Variants in ATF2 observed in about 807,000 individuals in gnomAD.
ATF2 encodes the protein activating transcription factor 2.
ATF2 carries 24 observed loss-of-function variants against 60.6 expected under a neutral mutation model. The observed-to-expected ratio is 0.40, with a 90% CI of 0.29 to 0.56. The LOEUF is 0.56. Ranked by LOEUF, ATF2 falls within the 20% of genes least tolerant of loss-of-function variation. The pLI, the probability that ATF2 is intolerant of heterozygous loss-of-function variation, is 0.54. For missense variants in ATF2, 433 were observed against 607.7 expected (o/e 0.71, Z 3.02); for synonymous variants, 206 against 215.4 (o/e 0.96, Z 0.38).
intron 5 of ATF2, among the ~76,000 whole-genome samples, chr2:175,119,777 G>A (rs1696827068): frequency 1.3e-5 from 2 of 151,476 alleles, no homozygotes; most frequent in African/African-American, 4.8e-5. Context: ...CACACCCAAA[G>A]GGTTTGTCTA....
chr2:175,157,897 G>T (rs891957813), intron 1 of ATF2, among the ~76,000 whole-genome samples: 1 of 151,962 alleles, frequency 6.6e-6, no homozygotes, highest in Non-Finnish European at 1.5e-5. Flanking sequence ...GAAGGCTAAC[G>T]CAGAGAACTG....
At chr2:175,139,837 C>A (rs1454267940) in intron 2 of ATF2, among the ~76,000 whole-genome samples, 1 of 152,112 alleles carries the variant, frequency 6.6e-6, no homozygotes, top group Non-Finnish European at 1.5e-5. Context: ...TCCCACTTCT[C>A]AGCAAATTGT....
intron 10 of ATF2, among the ~76,000 whole-genome samples, chr2:175,102,249 T>C (rs1175704597): frequency 6.6e-6 from 1 of 152,152 alleles, no homozygotes; most frequent in Non-Finnish European, 1.5e-5. Flanking sequence ...AACCAGAAAC[T>C]CTATTTGTTG....
At chr2:175,085,759 T>G (rs1409202124) in intron 12 of ATF2, among the ~76,000 whole-genome samples, 1 of 152,040 alleles carries the variant, frequency 6.6e-6, no homozygotes, top group East Asian at 1.9e-4. Flanking sequence ...CTAGGAAAGG[T>G]TAATGAACAT....
intron 12 of ATF2, among the ~76,000 whole-genome samples, chr2:175,086,747 C>T (rs1694197235): frequency 6.6e-6 from 1 of 152,014 alleles, no homozygotes; most frequent in African/African-American, 2.4e-5. Flanking sequence ...CAAACTACTC[C>T]AAGCATTCAA....
At chr2:175,152,718 A>G (rs1699395281) in intron 1 of ATF2, among the ~76,000 whole-genome samples, 1 of 152,220 alleles carries the variant, frequency 6.6e-6, no homozygotes, top group Non-Finnish European at 1.5e-5. Context: ...ATCAGAAACT[A>G]AAAACTCATT....
intron 2 of ATF2, among the ~76,000 whole-genome samples, chr2:175,145,709 T>C (rs1006686992): frequency 2.6e-5 from 4 of 152,150 alleles, no homozygotes; most frequent in Admixed American, 6.5e-5. Flanking sequence ...GTAGTGGAAA[T>C]AAAGAAGTCC....
intron 13 of ATF2, chr2:175,075,130 A>G (rs1234894049): frequency 1.2e-5 from 14 of 1,134,508 alleles, no homozygotes; most frequent in Non-Finnish European, 1.4e-5. Flanking sequence ...AGTTTGGAAG[A>G]TAGTCTCTTA....
chr2:175,146,732 G>A (rs1206908919), intron 2 of ATF2, among the ~76,000 whole-genome samples: 1 of 152,114 alleles, frequency 6.6e-6, no homozygotes, highest in Non-Finnish European at 1.5e-5. Flanking sequence ...CATCCCACCT[G>A]AGATGTGAAT....
intron 1 of ATF2, among the ~76,000 whole-genome samples, chr2:175,155,480 G>A (rs1360521694): frequency 2.0e-5 from 3 of 152,158 alleles, no homozygotes; most frequent in Non-Finnish European, 4.4e-5. Context: ...ATTGTATAGT[G>A]TGATGACAGA....
rs1003031183 is a variant in ATF2 at position 175,088,860 on chromosome 2, A to C, written c.1185+4201T>G. On this transcript the variant is annotated intron_variant, in intron 12 of 13. Transcript: ENST00000264110. ...AAACCATTTCAAGTAAAAGATAACA[A>C]AATTAACAAAATAGATATTACTTTA... is the stretch of plus-strand genomic sequence containing the variant. Among the ~76,000 whole-genome samples the C allele has an allele frequency of 7.9e-5, 12 of 152,166 alleles. 1 individual carries two copies. Among genetic ancestry groups the C allele is most frequent in the Admixed American group, 3.3e-4 (5 of 15,268 alleles).
intron 1 of ATF2, among the ~76,000 whole-genome samples, chr2:175,154,235 AT>A (rs1240676305): frequency 1.8e-4 from 20 of 110,840 alleles, no homozygotes; most frequent in African/African-American, 6.0e-4. Flanking sequence ...GAAAAAAAAA[AT>A]ATATATATAT....
intron 10 of ATF2, among the ~76,000 whole-genome samples, chr2:175,110,057 C>T (rs1696061709): frequency 6.6e-6 from 1 of 152,132 alleles, no homozygotes; most frequent in Non-Finnish European, 1.5e-5. Context: ...ATTTTTCAGG[C>T]CGGGTGTGGT....
In ATF2 at chr2:175,141,641, C is replaced by A. The variant is rs199818302; in HGVS notation, c.-43-5155G>T. Among the ~76,000 whole-genome samples, 31 of 151,900 alleles carry A rather than the reference C, an allele frequency of 2.0e-4. No individual in the cohort carries two copies. In the East Asian group the frequency reaches 5.6e-3, roughly 28 times the overall value. On this transcript the variant is annotated intron_variant, in intron 2 of 13. Transcript: ENST00000264110. ...CTAAGTAGCTGGGACTACAGGAGCC[C>A]GCCACCATGCCCGGCTAATTTTTTT...
chr2:175,130,048 A>G, intron 4 of ATF2, 90 bp downstream of exon 4: 1 of 1,027,470 alleles, frequency 9.7e-7, no homozygotes, highest in Non-Finnish European at 1.4e-6. Context: ...AGAATACTGT[A>G]AGAAAATACT....
At position 175,074,336 on chromosome 2, in the gene ATF2, T is replaced by A. The variant is rs191667954; in HGVS notation, c.*273A>T. 1.3e-5 allele frequency: 3 copies of A among 230,416 alleles called. No individual in the cohort carries two copies. The East Asian group carries it at 2.9e-4, about 22-fold the overall frequency. The allele number at this position is 230,416 out of a possible 1,614,324, so 14.3% of individuals were successfully genotyped here. A position where few individuals can be genotyped will look rare whatever the true frequency, so the allele number is the denominator to read the frequency against. On this transcript the variant is annotated 3_prime_UTR_variant, in exon 14 of 14. Coordinates refer to ENST00000264110, the MANE Select transcript of ATF2 (RefSeq NM_001880.4). ...AAATTAAAAGTGAAATAAATCACAA[T>A]GAATTATAATACAATTTACACATTG...
chr2:175,084,294 C>T (rs964184595), intron 12 of ATF2, among the ~76,000 whole-genome samples: 14 of 151,890 alleles, frequency 9.2e-5, no homozygotes, highest in African/African-American at 3.4e-4. Context: ...ACATATACAC[C>T]ATGGAATACT....
chr2:175,086,476 G>A (rs978130046), intron 12 of ATF2, among the ~76,000 whole-genome samples: 2 of 152,164 alleles, frequency 1.3e-5, no homozygotes, highest in African/African-American at 2.4e-5. Context: ...CAGGTCAAGC[G>A]TGGGTTGGAA....
intron 12 of ATF2, among the ~76,000 whole-genome samples, chr2:175,081,314 T>C (rs1180415120): frequency 6.6e-6 from 1 of 152,162 alleles, no homozygotes; most frequent in African/African-American, 2.4e-5. Context: ...TGAAACTAGA[T>C]ATAACATTTA....
Sources: allele counts gnomAD v4.1 joint callset (sites outside exome capture counted in the v4.1 genomes callset), GRCh38; gene constraint gnomAD v4.1.1; transcripts MANE v1.5; gene names NCBI Gene and HGNC (gene_info 2026-07-23, HGNC 2026-07-21).